PKNOX2: variants seen among roughly 807,000 people sequenced by gnomAD.
PKNOX2 encodes homeobox protein PKNOX2.
A neutral mutation model predicts 53.1 loss-of-function variants in PKNOX2; 14 were observed. That is an observed-to-expected ratio of 0.26 (90% confidence interval 0.17 to 0.41). PKNOX2 has a LOEUF of 0.41. Ranked by LOEUF, PKNOX2 falls within the 10% of genes least tolerant of loss-of-function variation. The pLI is 1.00. For synonymous variants in PKNOX2, 257 were observed against 242.8 expected (o/e 1.06, Z -0.54); for missense variants, 496 against 602.8 (o/e 0.82, Z 1.85).
intron 2 of PKNOX2, among the ~76,000 whole-genome samples, chr11:125,315,416 C>G (rs1001362695): frequency 6.6e-6 from 1 of 152,070 alleles, no homozygotes; most frequent in African/African-American, 2.4e-5. Flanking sequence ...GAGGCCCAGC[C>G]CATGGGGTCT....
intron 1 of PKNOX2, among the ~76,000 whole-genome samples, chr11:125,213,608 C>A (rs746578865): frequency 1.3e-5 from 2 of 152,028 alleles, no homozygotes; most frequent in Non-Finnish European, 2.9e-5. Context: ...CAGGCACATG[C>A]CACCACACCC....
intron 5 of PKNOX2, among the ~76,000 whole-genome samples, chr11:125,371,866 C>T (rs1952569379): frequency 6.6e-6 from 1 of 152,108 alleles, no homozygotes; most frequent in Non-Finnish European, 1.5e-5. Context: ...AGTGGAGCTG[C>T]AGGTCAGGGA....
At chr11:125,410,729 C>A in intron 8 of PKNOX2, 50 bp from the exon 9 acceptor site, 1 of 1,427,216 alleles carries the variant, frequency 7.0e-7, no homozygotes, top group Non-Finnish European at 9.9e-7. Context: ...CTTGCCCTCG[C>A]TCCTACCCAC....
chr11:125,248,483 T>A (rs1400582640), intron 2 of PKNOX2, among the ~76,000 whole-genome samples: 3 of 152,072 alleles, frequency 2.0e-5, no homozygotes, highest in Non-Finnish European at 2.9e-5. Context: ...TTTGTATTTT[T>A]AAAAAATCTT....
intron 1 of PKNOX2, among the ~76,000 whole-genome samples, chr11:125,231,174 C>T (rs113753539): frequency 5.3e-5 from 8 of 152,314 alleles, no homozygotes; most frequent in South Asian, 2.1e-4. Context: ...GCTGACCCCC[C>T]GGTCTGGTGC....
intron 2 of PKNOX2, among the ~76,000 whole-genome samples, chr11:125,327,571 T>C (rs1249441977): frequency 9.2e-5 from 14 of 152,156 alleles, no homozygotes; most frequent in Non-Finnish European, 1.6e-4. Context: ...GTTGGGTCCC[T>C]CTGCCTGCAA....
At chr11:125,307,434 G>A (rs1390805997) in intron 2 of PKNOX2, among the ~76,000 whole-genome samples, 3 of 152,130 alleles carry the variant, frequency 2.0e-5, no homozygotes, top group African/African-American at 7.2e-5. Context: ...GTGCACACCT[G>A]TAATCCCCAG....
At chr11:125,225,551 A>T (rs953306915) in intron 1 of PKNOX2, among the ~76,000 whole-genome samples, 1 of 151,794 alleles carries the variant, frequency 6.6e-6, no homozygotes, top group Non-Finnish European at 1.5e-5. Context: ...GCTGCCCCAG[A>T]CTCCAGCTCC....
intron 6 of PKNOX2, among the ~76,000 whole-genome samples, chr11:125,392,732 T>C (rs1412793013): frequency 6.6e-6 from 1 of 152,114 alleles, no homozygotes; most frequent in Non-Finnish European, 1.5e-5. Context: ...AGTGCACTTT[T>C]CTCTGTGTAT....
At chr11:125,399,785 G>C (rs1803270793) in intron 7 of PKNOX2, among the ~76,000 whole-genome samples, 1 of 152,178 alleles carries the variant, frequency 6.6e-6, no homozygotes, top group Non-Finnish European at 1.5e-5. Flanking sequence ...TCTGGAGCTG[G>C]GGGTGCACCA....
chr11:125,252,827 G>T (rs1279723599), intron 2 of PKNOX2, among the ~76,000 whole-genome samples: 1 of 152,160 alleles, frequency 6.6e-6, no homozygotes, highest in Non-Finnish European at 1.5e-5. Flanking sequence ...GGTTACAGGT[G>T]GCATCAGCTC....
intron 2 of PKNOX2, among the ~76,000 whole-genome samples, chr11:125,304,385 AG>A (rs779453878): frequency 2.0e-5 from 3 of 152,212 alleles, no homozygotes; most frequent in Non-Finnish European, 4.4e-5. Flanking sequence ...ATTAGCATGC[AG>A]TTTGGAGCTG....
rs148853176 is a variant in PKNOX2, at chr11:125,392,372, C to G, written c.400-5502C>G. Among the ~76,000 whole-genome samples the G allele has an allele frequency of 1.8e-3, 275 of 152,378 alleles. 4 individuals are homozygous for G. The highest frequency in any genetic ancestry group is 6.3e-3 in the African/African-American group (264 of 41,590). ...ACAATGAACCCACAGTGTTCCTGCC[C>G]TGCCAGGCAGCCCTCTAACATTGAT... is the stretch of plus-strand genomic sequence containing the variant. On this transcript the variant is annotated intron_variant, in intron 6 of 12. Coordinates refer to ENST00000298282, the MANE Select transcript of PKNOX2 (RefSeq NM_001382323.2).
intron 1 of PKNOX2, among the ~76,000 whole-genome samples, chr11:125,209,837 T>C (rs1296189270): frequency 6.6e-6 from 1 of 152,040 alleles, no homozygotes; most frequent in Admixed American, 6.6e-5. Context: ...GCCACCCTTA[T>C]ACCCACCCTG....
chr11:125,250,563 C>T (rs1184731873), intron 2 of PKNOX2, among the ~76,000 whole-genome samples: 5 of 152,114 alleles, frequency 3.3e-5, no homozygotes, highest in Admixed American at 6.5e-5. Flanking sequence ...CTGGGCCTAG[C>T]GCTAGTCTGG....
At chr11:125,383,445 TAAAAAA>T (rs551704955) in intron 5 of PKNOX2, among the ~76,000 whole-genome samples, 1 of 121,858 alleles carries the variant, frequency 8.2e-6, no homozygotes, top group Non-Finnish European at 1.7e-5. Flanking sequence ...CCCTCTCTGC[TAAAAAA>T]AAAAAAAAAA....
chr11:125,203,153 T>C (rs572867922), intron 1 of PKNOX2, among the ~76,000 whole-genome samples: 2 of 152,328 alleles, frequency 1.3e-5, no homozygotes, highest in East Asian at 1.9e-4. Context: ...TATTTATTTA[T>C]ATGAGACAGG....
intron 3 of PKNOX2, among the ~76,000 whole-genome samples, chr11:125,342,364 C>T (rs1020223667): frequency 6.6e-6 from 1 of 152,124 alleles, no homozygotes; most frequent in Non-Finnish European, 1.5e-5. Context: ...CTCCTTCCCC[C>T]ACCAGCCCCT....
At chr11:125,420,222 T>C (rs1780526990) in intron 10 of PKNOX2, among the ~76,000 whole-genome samples, 1 of 53,114 alleles carries the variant, frequency 1.9e-5, no homozygotes, top group African/African-American at 4.4e-5. Context: ...AGCTGAGTTT[T>C]TTATTTAAAA....
Sources: allele counts gnomAD v4.1 joint callset (sites outside exome capture counted in the v4.1 genomes callset), GRCh38; gene constraint gnomAD v4.1.1; transcripts MANE v1.5; gene names NCBI Gene and HGNC (gene_info 2026-07-23, HGNC 2026-07-21).